The following LRRCC1 variants were observed in gnomAD, a reference collection of about 807,000 sequenced individuals.
LRRCC1 encodes the protein leucine-rich repeat and coiled-coil domain-containing protein 1.
A neutral mutation model predicts 126.0 loss-of-function variants in LRRCC1; 115 were observed. The observed-to-expected ratio is 0.91, with a 90% CI of 0.78 to 1.07. The LOEUF (loss-of-function observed/expected upper bound fraction) is 1.07. Ranked by LOEUF, LRRCC1 falls within the 50% of genes least tolerant of loss-of-function variation. The pLI, the probability that LRRCC1 is intolerant of heterozygous loss-of-function variation, is 0.00. For synonymous variants in LRRCC1, 400 were observed against 393.4 expected (o/e 1.02, Z -0.20); for missense variants, 1,172 against 1,175.7 (o/e 1.00, Z 0.05).
intron 17 of LRRCC1, among the ~76,000 whole-genome samples, 178 bp from the exon 18 acceptor site, chr8:85,141,204 G>A (rs1008186950): frequency 6.6e-6 from 1 of 152,066 alleles, no homozygotes; most frequent in Non-Finnish European, 1.5e-5. Flanking sequence ...GATTCTGCTG[G>A]ATGATGAACT....
chr8:85,109,362 T>C, intron 1 of LRRCC1: 1 of 507,666 alleles, frequency 2.0e-6, no homozygotes, highest in East Asian at 3.1e-5. Flanking sequence ...AAATGCCCAC[T>C]GTCACTTGCC....
chr8:85,114,425 A>T (rs1808951465), intron 4 of LRRCC1, among the ~76,000 whole-genome samples: 1 of 152,082 alleles, frequency 6.6e-6, no homozygotes, highest in African/African-American at 2.4e-5. Context: ...CTTCTTTCTT[A>T]CTTTCGGAAT....
At chr8:85,109,569 T>G (rs754175236) in intron 1 of LRRCC1, 26 bp from the exon 2 acceptor site, 1 of 1,337,210 alleles carries the variant, frequency 7.5e-7, no homozygotes, top group East Asian at 2.5e-5. Context: ...AAAATCTATT[T>G]TTATAGTATA....
At chr8:85,142,167 A>G (rs964548662) in intron 18 of LRRCC1, among the ~76,000 whole-genome samples, 1 of 151,874 alleles carries the variant, frequency 6.6e-6, no homozygotes. Context: ...GGTGGTGAGC[A>G]CCTGTAATTC....
At chr8:85,134,762 G>A (rs1468622386) in intron 12 of LRRCC1, 85 bp from the exon 13 acceptor site, 2 of 811,234 alleles carry the variant, frequency 2.5e-6, no homozygotes, top group Non-Finnish European at 3.7e-6. Flanking sequence ...TTATTCTTTT[G>A]CTAAAACTGT....
chr8:85,119,846 C>T (rs907510575), intron 6 of LRRCC1, among the ~76,000 whole-genome samples: 1 of 152,134 alleles, frequency 6.6e-6, no homozygotes, highest in Non-Finnish European at 1.5e-5. Flanking sequence ...GACATATCTC[C>T]TAATGTAACC....
rs1587462209 is a variant in LRRCC1 at position 85,145,262 on chromosome 8, A to G, written c.2977-127A>G. On this transcript the variant is annotated intron_variant, in intron 18 of 18. Transcript: ENST00000360375. ...TTTGAGCAAGTTACATTTTACTGAC[A>G]TTTCTTTAAATACATCACAAATTTC... The G allele has an allele frequency of 4.4e-6, 3 of 680,108 alleles. No individual in the cohort carries two copies. The East Asian group carries it at 9.7e-5, about 22-fold the overall frequency. 42.1% of individuals were successfully genotyped at this position (680,108 alleles called of 1,614,324 possible).
At chr8:85,122,271 A>C (rs1284318142) in intron 6 of LRRCC1, among the ~76,000 whole-genome samples, 1 of 152,068 alleles carries the variant, frequency 6.6e-6, no homozygotes, top group Non-Finnish European at 1.5e-5. Context: ...GGGTTTCTCT[A>C]TGCTTCCTTA....
rs757139895 is a variant in LRRCC1, at chr8:85,138,366, G to A, written c.2731G>A (p.Gly911Arg). The stretch of plus-strand genomic sequence containing the variant: ...ACTGAATCGGAAGTGGCATGATAAA[G>A]GAGAACTTCTATGTCATCTTGAAAC... ...STLNRKWHDKGELLCHLETQV... is the reference protein window; with the variant it reads ...STLNRKWHDKRELLCHLETQV... The change falls in exon 17 of 19, where the codon GGA (glycine) becomes AGA (arginine). Residue 911 changes from glycine to arginine, a missense_variant. By Grantham distance (125) the Gly-to-Arg change is moderately radical. Coordinates refer to ENST00000360375, the MANE Select transcript of LRRCC1 (RefSeq NM_033402.5). 8.7e-6 allele frequency: 14 copies of A among 1,609,252 alleles called. No individual in the cohort carries two copies. Among genetic ancestry groups the A allele is most frequent in the Non-Finnish European group, 1.1e-5 (13 of 1,178,540 alleles).
chr8:85,119,121 C>A (rs1809329985), intron 6 of LRRCC1, among the ~76,000 whole-genome samples: 1 of 151,540 alleles, frequency 6.6e-6, no homozygotes, highest in African/African-American at 2.4e-5. Context: ...AAAAAAAAAT[C>A]AAATCAACTT....
At chr8:85,130,117 T>A (rs1810339932) in intron 11 of LRRCC1, 59 bp downstream of exon 11, 2 of 1,192,328 alleles carry the variant, frequency 1.7e-6, no homozygotes, top group Admixed American at 2.8e-5. Flanking sequence ...AGAAAGCTAC[T>A]GGTTCCCCAC....
rs770493089 is a variant in LRRCC1, at chr8:85,109,579, A to G, written c.105-16A>G. On this transcript the variant is annotated splice_polypyrimidine_tract_variant and intron_variant, in intron 1 of 18. Transcript: ENST00000360375. ...CTTTTAAAATCTATTTTTATAGTAT[A>G]TATTTTCTTTTATAGCATATCAGAA... 2.8e-6 allele frequency: 4 copies of G among 1,427,906 alleles called. No individual in the cohort carries two copies. The highest frequency in any genetic ancestry group is 2.5e-5 in the East Asian group (1 of 40,308). 88.5% of individuals were successfully genotyped at this position (1,427,906 alleles called of 1,614,324 possible).
At position 85,127,806 on chromosome 8, in the gene LRRCC1, T is replaced by C. The variant is rs543536797; in HGVS notation, c.1421+969T>C. ...TGATGCGTTATGTTATCACTAGCCC[T>C]TCTACCACTACCCACCAACTTCCTG... On this transcript the variant is annotated intron_variant, in intron 9 of 18. Transcript: ENST00000360375. Among the ~76,000 whole-genome samples the C allele has an allele frequency of 6.6e-4, 101 of 152,366 alleles. 1 individual carries two copies. Among genetic ancestry groups the C allele is most frequent in the African/African-American group, 2.3e-3 (95 of 41,584 alleles).
intron 18 of LRRCC1, among the ~76,000 whole-genome samples, chr8:85,143,334 G>A (rs1382090500): frequency 1.3e-5 from 2 of 150,008 alleles, no homozygotes; most frequent in South Asian, 2.1e-4. Context: ...AAAAAAAAAA[G>A]GCTACCAAAT....
At chr8:85,128,078 C>T (rs773304707) in intron 9 of LRRCC1, among the ~76,000 whole-genome samples, 15 of 152,204 alleles carry the variant, frequency 9.9e-5, no homozygotes, top group Non-Finnish European at 1.9e-4. Flanking sequence ...GGAGCAGTTT[C>T]ATGAGGCAAA....
Position 85,138,452 on chromosome 8 carries a change from A to G in LRRCC1, c.2817A>G (p.Arg939=). ...AGGAAAAGAAACTTAAAGCGGAAAG[A>G]GACAAAAGTATTGAACTACAAAAGT... ...ENKEKKLKAE[R]DKSIELQKNA... The change falls in exon 17 of 19, where the codon AGA becomes AGG. Residue 939 remains arginine, a synonymous_variant. Coordinates refer to ENST00000360375, the MANE Select transcript of LRRCC1 (RefSeq NM_033402.5). The G allele has an allele frequency of 6.2e-7, 1 of 1,611,336 alleles. No individual in the cohort carries two copies. Among genetic ancestry groups the G allele is most frequent in the Non-Finnish European group, 8.5e-7 (1 of 1,179,260 alleles).
intron 6 of LRRCC1, among the ~76,000 whole-genome samples, chr8:85,120,925 T>C (rs1037251690): frequency 1.3e-5 from 2 of 152,232 alleles, no homozygotes; most frequent in Admixed American, 1.3e-4. Context: ...TGTATAAGTT[T>C]TTGTGTGGAC....
chr8:85,126,980 A>G (rs1217863034), intron 9 of LRRCC1, 143 bp downstream of exon 9: 9 of 670,496 alleles, frequency 1.3e-5, no homozygotes, highest in South Asian at 8.8e-5. Context: ...TTATTAGACA[A>G]TTTAGCACTT....
intron 7 of LRRCC1, 41 bp from the exon 8 acceptor site, chr8:85,124,751 A>G (rs763790723): frequency 9.0e-6 from 12 of 1,335,124 alleles, no homozygotes; most frequent in Non-Finnish European, 1.1e-5. Context: ...TAATGTGAAC[A>G]CTACTTTTTT....
Sources: gnomAD v4.1 joint callset for allele counts (sites outside exome capture counted in the v4.1 genomes callset) on GRCh38, gnomAD v4.1.1 for gene constraint, MANE v1.5 for transcripts, NCBI Gene and HGNC (gene_info 2026-07-23, HGNC 2026-07-21) for gene names.